SLC5A12: variants seen among roughly 807,000 people sequenced by gnomAD.
SLC5A12 encodes solute carrier family 5 member 12, also known as sodium-coupled monocarboxylate transporter 2.
SLC5A12 carries 46 observed loss-of-function variants against 72.7 expected under a neutral mutation model. That is an observed-to-expected ratio of 0.63 (90% CI 0.50 to 0.81). The LOEUF (loss-of-function observed/expected upper bound fraction) is 0.81. SLC5A12 is among the 30% of genes least tolerant of loss of function. SLC5A12 has a pLI of 0.00. For missense variants in SLC5A12, 683 were observed against 740.7 expected, an observed-to-expected ratio of 0.92 and a Z score of 0.90; for synonymous variants, 275 against 264.4, an observed-to-expected ratio of 1.04 and a Z score of -0.39.
chr11:26,686,386 C>G lies in SLC5A12; in HGVS notation c.1221+91G>C, dbSNP rs182526777. ...TGGAGCTGGTATCATTAAATGTCAG[C>G]CTTTGGATCTTGGAGGAAGAAGCAA... On this transcript the variant is annotated intron_variant, in intron 10 of 14. Transcript: ENST00000396005. The G allele has an allele frequency of 2.6e-6, 3 of 1,138,582 alleles. No individual in the cohort carries two copies. In the African/African-American group the frequency reaches 4.6e-5, roughly 17 times the overall value. 70.5% of individuals were successfully genotyped at this position (1,138,582 alleles called of 1,614,324 possible). A position where few individuals can be genotyped will look rare whatever the true frequency, so the allele number is the denominator to read the frequency against.
chr11:26,712,756 T>A, intron 1 of SLC5A12, 50 bp from the exon 2 acceptor site: 1 of 1,413,772 alleles, frequency 7.1e-7, no homozygotes, highest in Non-Finnish European at 9.8e-7. Context: ...AGATAAGAAC[T>A]GCTAAGAAAG....
intron 9 of SLC5A12, among the ~76,000 whole-genome samples, chr11:26,687,683 T>A (rs1565189585): frequency 6.6e-6 from 1 of 152,240 alleles, no homozygotes; most frequent in Non-Finnish European, 1.5e-5. Context: ...ATGATATTCC[T>A]TATGAGGAAC....
chr11:26,721,544 C>T lies in SLC5A12; in HGVS notation c.171G>A (p.Leu57=), dbSNP rs1344311098. 1 of 1,614,094 alleles carries T rather than the reference C, an allele frequency of 6.2e-7. No homozygotes were observed. The change falls in exon 1 of 15, where the codon CTG becomes CTA. Residue 57 remains leucine (L), a synonymous_variant. Coordinates refer to ENST00000396005, the MANE Select transcript of SLC5A12 (RefSeq NM_178498.4). The stretch of plus-strand genomic sequence containing the variant: ...TGACAGCTGACATGAAGCTGGCTGT[C>T]AGAGACAAGCCGACAGGGCCAAAGC... The part of the protein sequence containing the change: ...QMSFGPVGLS[L]TASFMSAVTV...
At chr11:26,713,709 A>G (rs1855284757) in intron 1 of SLC5A12, among the ~76,000 whole-genome samples, 1 of 152,112 alleles carries the variant, frequency 6.6e-6, no homozygotes. Flanking sequence ...GTTTGTTATT[A>G]ATACTGTATA....
At chr11:26,710,228 G>T (rs1231987248) in intron 3 of SLC5A12, among the ~76,000 whole-genome samples, 2 of 152,112 alleles carry the variant, frequency 1.3e-5, no homozygotes, top group Non-Finnish European at 1.5e-5. Flanking sequence ...AGTATCCATG[G>T]TGTATATGTG....
chr11:26,697,914 T>TTTTTTA (rs1854862301), intron 7 of SLC5A12, among the ~76,000 whole-genome samples: 2 of 147,912 alleles, frequency 1.4e-5, no homozygotes, highest in African/African-American at 5.1e-5. Context: ...TTTTTTTTTT[T>TTTTTTA]GAGACGGAGT....
rs139877455 is a variant in SLC5A12, at chr11:26,714,372, G to A, written c.340-1666C>T. Among the ~76,000 whole-genome samples, 122 of 152,156 alleles carry A rather than the reference G, an allele frequency of 8.0e-4. 2 individuals are homozygous for A. In the East Asian group the frequency reaches 0.022, roughly 27 times the overall value. On this transcript the variant is annotated intron_variant, in intron 1 of 14. Coordinates refer to ENST00000396005, the MANE Select transcript of SLC5A12 (RefSeq NM_178498.4). ...CCATAGAGGATCTTACAGATTAGAC[G>A]AAGTGACCATTAACAAATATTTATA...
At position 26,671,127 on chromosome 11, in the gene SLC5A12, A is replaced by G. The variant is rs1316102427; in HGVS notation, c.1832T>C (p.Met611Thr). Residue 611 changes from methionine to threonine, a missense_variant, in exon 15 of 15, where the codon ATG becomes ACG. Transcript: ENST00000396005. ...TTAGAAATGGGTAGTCTCAAATGCC[A>G]TATTGTTGTAGCTTTTGTCCTTAGG... ...YDPKDKSYNNMAFETTHF is the reference protein window; with the variant it reads ...YDPKDKSYNNTAFETTHF The G allele has an allele frequency of 3.1e-6, 5 of 1,612,290 alleles. No individual in the cohort carries two copies. The highest frequency in any genetic ancestry group is 3.4e-6 in the Non-Finnish European group (4 of 1,179,082).
intron 4 of SLC5A12, among the ~76,000 whole-genome samples, chr11:26,704,733 ATAACT>A (rs1855045030): frequency 6.6e-6 from 1 of 152,160 alleles, no homozygotes; most frequent in South Asian, 2.1e-4. Context: ...TAAAATCAAC[ATAACT>A]TAGGATTCAT....
intron 4 of SLC5A12, among the ~76,000 whole-genome samples, chr11:26,706,262 G>C (rs1404853201): frequency 3.2e-4 from 1 of 3,164 alleles, no homozygotes; most frequent in Non-Finnish European, 8.8e-3. Context: ...TTCATAGAAT[G>C]AAAGATTTTT....
chr11:26,675,314 T>C (rs983336370), intron 13 of SLC5A12, among the ~76,000 whole-genome samples: 1 of 152,050 alleles, frequency 6.6e-6, no homozygotes, highest in African/African-American at 2.4e-5. Context: ...CTTTGGGAGA[T>C]AGCAGATGGT....
chr11:26,673,620 G>T (rs12279306), intron 13 of SLC5A12, 91 bp from the exon 14 acceptor site: 1 of 1,427,464 alleles, frequency 7.0e-7, no homozygotes, highest in Non-Finnish European at 9.2e-7. Context: ...AAAGTAGGTT[G>T]CTTTTTAGAA....
At chr11:26,682,537 C>T (rs887658620) in intron 11 of SLC5A12, among the ~76,000 whole-genome samples, 3 of 152,040 alleles carry the variant, frequency 2.0e-5, no homozygotes, top group African/African-American at 7.2e-5. Flanking sequence ...GGAGAGGTGA[C>T]ACAAATTTAT....
At chr11:26,699,089 C>G (rs1409394971) in intron 6 of SLC5A12, among the ~76,000 whole-genome samples, 1 of 152,148 alleles carries the variant, frequency 6.6e-6, no homozygotes, top group South Asian at 2.1e-4. Context: ...CTATGTGGTG[C>G]AATTCATTTT....
At position 26,669,215 on chromosome 11, in the gene SLC5A12, C is replaced by CTTT. The variant is rs1235127483; in HGVS notation, c.*1884_*1886dup. 1 of 90,290 alleles carries CTTT rather than the reference C, an allele frequency of 1.1e-5. No individual in the cohort carries two copies. Among genetic ancestry groups the CTTT allele is most frequent in the African/African-American group, 4.9e-5 (1 of 20,328 alleles). The allele number at this position is 90,290 out of a possible 1,614,324, so 5.6% of individuals were successfully genotyped here. A position where few individuals can be genotyped will look rare whatever the true frequency, so the allele number is the denominator to read the frequency against. On this transcript the variant is annotated 3_prime_UTR_variant, in exon 15 of 15. Transcript: ENST00000396005. Reference sequence around the variant, plus strand: ...TCTTTCTTTCTTTCTTTCTTTCTTTCTTTCTCTCTCTCCCTCCCTCTTTCT... The same window carrying CTTT: ...TCTTTCTTTCTTTCTTTCTTTCTTTCTTTTTTCTCTCTCTCCCTCCCTCTTTCT...
At chr11:26,703,254 T>C (rs541701442) in intron 6 of SLC5A12, among the ~76,000 whole-genome samples, 2 of 152,222 alleles carry the variant, frequency 1.3e-5, no homozygotes, top group East Asian at 3.9e-4. Context: ...TAATTTAATC[T>C]AGTAATTTCT....
chr11:26,692,324 C>T (rs950484125), intron 9 of SLC5A12, 165 bp downstream of exon 9: 7 of 593,290 alleles, frequency 1.2e-5, no homozygotes, highest in South Asian at 8.1e-5. Flanking sequence ...TTCCTGATAC[C>T]CTGCTGGATC....
intron 8 of SLC5A12, among the ~76,000 whole-genome samples, chr11:26,693,757 AAG>A (rs1327678297): frequency 6.6e-6 from 1 of 152,210 alleles, no homozygotes; most frequent in African/African-American, 2.4e-5. Flanking sequence ...ACTTGAGAAC[AAG>A]ATATAGCTAT....
At chr11:26,710,904 T>C (rs536681937) in intron 3 of SLC5A12, among the ~76,000 whole-genome samples, 1 of 152,220 alleles carries the variant, frequency 6.6e-6, no homozygotes, top group East Asian at 1.9e-4. Context: ...TAATAGACTA[T>C]AAATTTTAGT....
Sources: gnomAD v4.1 joint callset for allele counts (sites outside exome capture counted in the v4.1 genomes callset) on GRCh38, gnomAD v4.1.1 for gene constraint, MANE v1.5 for transcripts, NCBI Gene and HGNC (gene_info 2026-07-23, HGNC 2026-07-21) for gene names.